Variants in RBFOX1 observed in about 807,000 individuals in gnomAD.
RBFOX1 encodes the protein RNA binding protein fox-1 homolog 1.
RBFOX1 carries 8 observed loss-of-function variants against 57.7 expected under a neutral mutation model. The ratio of observed to expected loss-of-function variants is 0.14; its 90% CI spans 0.08 to 0.25. RBFOX1 has a LOEUF of 0.25. Ranked by LOEUF, RBFOX1 falls within the 10% of genes least tolerant of loss-of-function variation. RBFOX1 has a pLI of 1.00. For synonymous variants in RBFOX1, 326 were observed against 222.4 expected (o/e 1.47, Z -4.15); for missense variants, 611 against 548.5 (o/e 1.11, Z -1.14).
chr16:7,260,332 G>C (rs577732370), intron 4 of RBFOX1, among the ~76,000 whole-genome samples: 1 of 152,272 alleles, frequency 6.6e-6, no homozygotes, highest in East Asian at 1.9e-4. Flanking sequence ...ATAATACAGT[G>C]TGTGTTTTGT....
intron 15 of RBFOX1, chr16:7,709,561 C>T: frequency 1.3e-6 from 2 of 1,531,446 alleles, no homozygotes; most frequent in Non-Finnish European, 1.7e-6. Context: ...CCTCTGCTGT[C>T]AGGCAGCTGA....
chr16:5,263,530 T>A (rs2062787010), intron 1 of RBFOX1, among the ~76,000 whole-genome samples: 1 of 152,090 alleles, frequency 6.6e-6, no homozygotes. Flanking sequence ...ACATACATGG[T>A]GCAAAATATG....
intron 2 of RBFOX1, among the ~76,000 whole-genome samples, chr16:6,544,527 A>G (rs1249745848): frequency 2.0e-5 from 3 of 152,166 alleles, no homozygotes; most frequent in Admixed American, 6.5e-5. Context: ...TGATCTCTTC[A>G]TTATTGATTA....
intron 3 of RBFOX1, among the ~76,000 whole-genome samples, chr16:6,991,957 G>C (rs1362124825): frequency 2.0e-5 from 3 of 152,188 alleles, no homozygotes; most frequent in Non-Finnish European, 4.4e-5. Flanking sequence ...GGGTGTCCCA[G>C]ATCCTGTGTT....
At chr16:5,775,309 T>A (rs1029990068) in intron 3 of RBFOX1, among the ~76,000 whole-genome samples, 8 of 152,126 alleles carry the variant, frequency 5.3e-5, no homozygotes, top group African/African-American at 1.9e-4. Context: ...TTCTTTTCCC[T>A]CTTCCCTCTT....
intron 14 of RBFOX1, among the ~76,000 whole-genome samples, chr16:7,678,458 C>G (rs1363000340): frequency 2.0e-5 from 3 of 152,028 alleles, no homozygotes; most frequent in African/African-American, 7.2e-5. Context: ...CAGCTGCAAC[C>G]CTTAATTATT....
intron 3 of RBFOX1, among the ~76,000 whole-genome samples, chr16:6,760,251 C>A (rs568761909): frequency 1.3e-5 from 2 of 152,102 alleles, no homozygotes; most frequent in African/African-American, 4.8e-5. Context: ...AAACAAATTG[C>A]AAATGGTTTA....
At chr16:7,419,046 A>G (rs908800434) in intron 4 of RBFOX1, among the ~76,000 whole-genome samples, 2 of 152,094 alleles carry the variant, frequency 1.3e-5, no homozygotes, top group Non-Finnish European at 2.9e-5. Flanking sequence ...CTGGGACTAC[A>G]GGTGTTCGTC....
chr16:7,293,797 C>T (rs372315276), intron 4 of RBFOX1, among the ~76,000 whole-genome samples: 23 of 152,224 alleles, frequency 1.5e-4, no homozygotes, highest in African/African-American at 4.3e-4. Flanking sequence ...TTACATCGTT[C>T]CTAGCTCACC....
At chr16:6,914,372 C>G (rs753045007) in intron 3 of RBFOX1, among the ~76,000 whole-genome samples, 2 of 152,024 alleles carry the variant, frequency 1.3e-5, no homozygotes, top group Non-Finnish European at 2.9e-5. Context: ...GATAAGTATT[C>G]TACTTTTCAT....
intron 3 of RBFOX1, among the ~76,000 whole-genome samples, chr16:6,671,222 C>G (rs2098762850): frequency 6.6e-6 from 1 of 152,154 alleles, no homozygotes; most frequent in South Asian, 2.1e-4. Flanking sequence ...TTGGCAACAA[C>G]CTAAATGCTT....
chr16:6,794,280 ATTT>A (rs372963833), intron 3 of RBFOX1, among the ~76,000 whole-genome samples: 10 of 125,190 alleles, frequency 8.0e-5, no homozygotes, highest in South Asian at 2.7e-4. Flanking sequence ...CTTGTTCGTG[ATTT>A]TTTTTTTTTT....
At chr16:7,156,311 CAT>C (rs34031509) in intron 4 of RBFOX1, among the ~76,000 whole-genome samples, 22,251 of 151,638 alleles carry the variant, frequency 0.15, 1,879 homozygotes, top group East Asian at 0.33. Context: ...GTGTATTATA[CAT>C]ATATAGACTT....
intron 2 of RBFOX1, among the ~76,000 whole-genome samples, chr16:6,464,836 CT>C (rs1263869790): frequency 6.6e-6 from 1 of 152,220 alleles, no homozygotes; most frequent in Non-Finnish European, 1.5e-5. Context: ...GCCAAGTTAA[CT>C]GATAGCAGTG....
At chr16:7,678,108 A>G (rs770469437) in intron 14 of RBFOX1, among the ~76,000 whole-genome samples, 8 of 152,246 alleles carry the variant, frequency 5.3e-5, no homozygotes, top group Non-Finnish European at 8.8e-5. Context: ...GAGATCTGCT[A>G]TCTGGTTCTA....
intron 4 of RBFOX1, among the ~76,000 whole-genome samples, chr16:7,346,956 A>G (rs73563897): frequency 1.4e-3 from 219 of 152,308 alleles, no homozygotes; most frequent in African/African-American, 4.9e-3. Flanking sequence ...GGTGTAGTGC[A>G]TGAACAATTG....
At position 6,180,597 on chromosome 16, in the gene RBFOX1, G is replaced by A. The variant is rs113774107; in HGVS notation, c.-126-136398G>A. 2.4e-3 allele frequency among the ~76,000 whole-genome samples: 359 copies of A among 149,992 alleles called. 1 individual carries two copies. Among genetic ancestry groups the A allele is most frequent in the African/African-American group, 8.3e-3 (338 of 40,774 alleles). On this transcript the variant is annotated intron_variant, in intron 1 of 15. Transcript: ENST00000550418. ...TTTTTCTTTTTTGAGATGGAGTTTC[G>A]CTTTGTCACCCAGGCTGGAGTGCAG...
At chr16:7,635,694 A>C (rs2061643886) in intron 11 of RBFOX1, among the ~76,000 whole-genome samples, 1 of 152,182 alleles carries the variant, frequency 6.6e-6, no homozygotes, top group South Asian at 2.1e-4. Flanking sequence ...GTCTCCCTTT[A>C]AGCCTTTTAG....
At chr16:6,178,619 G>C (rs1448360657) in intron 1 of RBFOX1, among the ~76,000 whole-genome samples, 1 of 152,146 alleles carries the variant, frequency 6.6e-6, no homozygotes, top group East Asian at 1.9e-4. Context: ...GTTTAGTTCT[G>C]TTACTCTTGT....
Sources: allele counts gnomAD v4.1 joint callset (sites outside exome capture counted in the v4.1 genomes callset), GRCh38; gene constraint gnomAD v4.1.1; transcripts MANE v1.5; gene names NCBI Gene and HGNC (gene_info 2026-07-23, HGNC 2026-07-21).